GBF1: variants seen among roughly 807,000 people sequenced by gnomAD.
The protein encoded by GBF1 is Golgi-specific brefeldin A-resistance guanine nucleotide exchange factor 1.
Under a neutral mutation model 210.5 loss-of-function variants are expected in GBF1, and 114 were observed. That is an observed-to-expected ratio of 0.54 (90% CI 0.47 to 0.63). The LOEUF (loss-of-function observed/expected upper bound fraction) is 0.63. Ranked by LOEUF, GBF1 falls within the 30% of genes least tolerant of loss-of-function variation. GBF1 has a pLI of 0.00. For synonymous variants in GBF1, 850 were observed against 889.2 expected, an observed-to-expected ratio of 0.96 and a Z score of 0.78; for missense variants, 1,851 against 2,357.7, an observed-to-expected ratio of 0.79 and a Z score of 4.45.
intron 3 of GBF1, among the ~76,000 whole-genome samples, chr10:102,260,559 C>A (rs190716559): frequency 6.9e-6 from 1 of 144,418 alleles, no homozygotes; most frequent in East Asian, 2.1e-4. Context: ...CTCACTGCAA[C>A]CTCTGCCTCC....
Position 102,376,360 on chromosome 10 carries a change from T to G in GBF1, c.3975T>G (p.Thr1325=). The change falls in exon 31 of 40, where the codon ACT becomes ACG. Residue 1325 remains threonine (T), a synonymous_variant. Coordinates refer to ENST00000369983, the MANE Select transcript of GBF1 (RefSeq NM_001377137.1). ...ACACTTCCGACTCAGAGGTCTACACTGACCATGGCAGGCCGGGCAAGATAC... is the reference window on the plus strand; with the variant it reads ...ACACTTCCGACTCAGAGGTCTACACGGACCATGGCAGGCCGGGCAAGATAC... ...RGYTSDSEVY[T]DHGRPGKIHR... 6.2e-7 allele frequency: 1 copy of G among 1,614,146 alleles called. No homozygotes were observed. Among genetic ancestry groups the G allele is most frequent in the South Asian group, 1.1e-5 (1 of 91,084 alleles).
At chr10:102,342,741 A>C (rs1055240226) in intron 3 of GBF1, among the ~76,000 whole-genome samples, 3 of 151,956 alleles carry the variant, frequency 2.0e-5, no homozygotes, top group Admixed American at 2.0e-4. Flanking sequence ...ATCCCTAAAC[A>C]CTTTTGGTCT....
intron 4 of GBF1, among the ~76,000 whole-genome samples, chr10:102,349,366 C>G (rs2058782693): frequency 1.3e-5 from 2 of 151,876 alleles, no homozygotes; most frequent in Non-Finnish European, 2.9e-5. Flanking sequence ...AACCCCATCT[C>G]TACTAAAAAT....
intron 3 of GBF1, among the ~76,000 whole-genome samples, chr10:102,278,252 C>CA (rs1209127679): frequency 6.7e-6 from 1 of 150,178 alleles, no homozygotes; most frequent in South Asian, 2.1e-4. Flanking sequence ...AGAAAACAAA[C>CA]AAAAAAACAT....
At chr10:102,361,648 T>A in intron 13 of GBF1, 70 bp from the exon 14 acceptor site, 1 of 1,053,886 alleles carries the variant, frequency 9.5e-7, no homozygotes, top group Non-Finnish European at 1.4e-6. Flanking sequence ...ATGTTTTTCC[T>A]GTCTAATTTT....
At chr10:102,339,953 ATTTT>A (rs398014644) in intron 3 of GBF1, among the ~76,000 whole-genome samples, 1 of 129,248 alleles carries the variant, frequency 7.7e-6, no homozygotes, top group Non-Finnish European at 1.6e-5. Flanking sequence ...TACCTGGTTA[ATTTT>A]TTTTTTTTTT....
In GBF1 at chr10:102,376,964, A is replaced by G; in HGVS notation, c.4318A>G (p.Ser1440Gly). 6.2e-7 allele frequency: 1 copy of G among 1,614,208 alleles called. No individual in the cohort carries two copies. The highest frequency in any genetic ancestry group is 8.5e-7 in the Non-Finnish European group (1 of 1,180,030). Residue 1440 changes from serine (S) to glycine (G), a missense_variant, in exon 33 of 40, where the codon AGT (serine) becomes GGT (glycine). This residue lies in a region of GBF1 where 967 missense variants were observed against 1,247.7 expected (regional missense o/e 0.78). Transcript: ENST00000369983. ...CAAGTCCCAGGAGAAACGTGGCAAGAGTCACAAATATGACAGCAAAGGGAA... is the reference window on the plus strand; with the variant it reads ...CAAGTCCCAGGAGAAACGTGGCAAGGGTCACAAATATGACAGCAAAGGGAA... ...GCKSQEKRGKSHKYDSKGNRF... is the reference protein window; with the variant it reads ...GCKSQEKRGKGHKYDSKGNRF...
chr10:102,358,185 T>C lies in GBF1; in HGVS notation c.786T>C (p.Thr262=). 1 of 1,612,842 alleles carries C rather than the reference T, an allele frequency of 6.2e-7. No individual in the cohort carries two copies. Among genetic ancestry groups the C allele is most frequent in the Non-Finnish European group, 8.5e-7 (1 of 1,178,994 alleles). The part of the protein sequence containing the change: ...PNGTTLSSNL[T]GGMPFIDVPT... ...GAACCACCTTATCATCTAACCTCAC[T>C]GGTGAGTGCCCTGGACTACTTCCTC... is the stretch of plus-strand genomic sequence containing the variant. Residue 262 remains threonine, a splice_region_variant and synonymous_variant, in exon 9 of 40, where the codon ACT becomes ACC. Coordinates refer to ENST00000369983, the MANE Select transcript of GBF1 (RefSeq NM_001377137.1).
chr10:102,377,995 G>A (rs1469277022), intron 33 of GBF1, among the ~76,000 whole-genome samples: 9 of 151,960 alleles, frequency 5.9e-5, no homozygotes, highest in South Asian at 2.1e-4. Context: ...CGAGGCGGGT[G>A]GATCATGAGG....
At chr10:102,301,884 A>G (rs565160796) in intron 3 of GBF1, among the ~76,000 whole-genome samples, 1 of 152,302 alleles carries the variant, frequency 6.6e-6, no homozygotes, top group South Asian at 2.1e-4. Flanking sequence ...AGAGGCTGCA[A>G]TCTCGGCACT....
intron 3 of GBF1, among the ~76,000 whole-genome samples, chr10:102,307,279 T>TA (rs1358496390): frequency 6.6e-6 from 1 of 152,210 alleles, no homozygotes; most frequent in African/African-American, 2.4e-5. Flanking sequence ...CTCAGGATGA[T>TA]AAAATCTGAG....
intron 3 of GBF1, among the ~76,000 whole-genome samples, chr10:102,320,819 A>G (rs2056320035): frequency 6.9e-6 from 1 of 145,582 alleles, no homozygotes; most frequent in African/African-American, 2.5e-5. Context: ...ATGGAGTCTG[A>G]CTCTGTCGCC....
At chr10:102,283,902 A>AT (rs1209619824) in intron 3 of GBF1, among the ~76,000 whole-genome samples, 1 of 152,200 alleles carries the variant, frequency 6.6e-6, no homozygotes, top group Non-Finnish European at 1.5e-5. Flanking sequence ...TGAAGTCTCA[A>AT]TAGATGTTAA....
the GBF1 span, chr10:102,230,660 C>A: frequency 4.4e-6 from 7 of 1,597,198 alleles, no homozygotes; most frequent in Admixed American, 1.2e-4. Flanking sequence ...TCCCGATAGA[C>A]GTAGGGGGAA....
intron 33 of GBF1, among the ~76,000 whole-genome samples, chr10:102,378,887 T>C (rs2060670070): frequency 6.6e-6 from 1 of 152,102 alleles, no homozygotes. Flanking sequence ...CGAGCCGTGA[T>C]TGTGCCACTG....
At chr10:102,252,882 CTTTTA>C (rs1475118844) in intron 1 of GBF1, among the ~76,000 whole-genome samples, 6 of 151,530 alleles carry the variant, frequency 4.0e-5, no homozygotes, top group African/African-American at 9.7e-5. Flanking sequence ...TTTTTAGGGT[CTTTTA>C]TTTTATTTTA....
At chr10:102,359,509 T>G (rs1343895294) in intron 11 of GBF1, 74 bp downstream of exon 11, 4 of 1,116,096 alleles carry the variant, frequency 3.6e-6, no homozygotes, top group Non-Finnish European at 5.4e-6. Flanking sequence ...CTAGACCGTC[T>G]TAAACCAAGA....
intron 3 of GBF1, among the ~76,000 whole-genome samples, chr10:102,285,699 T>C (rs2075874433): frequency 6.6e-6 from 1 of 152,202 alleles, no homozygotes; most frequent in South Asian, 2.1e-4. Context: ...TATTTTCTTC[T>C]TGTGAAAGGT....
At chr10:102,331,851 ATTTTTT>A (rs869198412) in intron 3 of GBF1, among the ~76,000 whole-genome samples, 2 of 85,320 alleles carry the variant, frequency 2.3e-5, no homozygotes, top group Non-Finnish European at 4.3e-5. Context: ...TACCTGGCTA[ATTTTTT>A]TTTTTTTTTT....
Sources: allele counts gnomAD v4.1 joint callset (sites outside exome capture counted in the v4.1 genomes callset), GRCh38; gene constraint gnomAD v4.1.1; regional missense constraint gnomAD v4.1.1; transcripts MANE v1.5; gene names NCBI Gene and HGNC (gene_info 2026-07-23, HGNC 2026-07-21).